The following RAP1A variants were observed in gnomAD, a reference collection of about 807,000 sequenced individuals.
RAP1A encodes the protein ras-related protein Rap-1A.
A neutral mutation model predicts 26.4 loss-of-function variants in RAP1A; 6 were observed. The ratio of observed to expected loss-of-function variants is 0.23; its 90% CI spans 0.12 to 0.45. RAP1A has a LOEUF of 0.45. Ranked by LOEUF, RAP1A falls within the 20% of genes least tolerant of loss-of-function variation. The pLI is 0.99. For missense variants in RAP1A, 121 were observed against 217.2 expected, an observed-to-expected ratio of 0.56 and a Z score of 2.78; for synonymous variants, 73 against 79.4, an observed-to-expected ratio of 0.92 and a Z score of 0.43.
At chr1:111,563,867 C>T in intron 1 of RAP1A, 4 of 1,613,362 alleles carry the variant, frequency 2.5e-6, no homozygotes, top group Non-Finnish European at 3.4e-6. Flanking sequence ...ACTCAAGCAG[C>T]CCAGTGTCCA....
chr1:111,635,943 C>G (rs1659718453), intron 1 of RAP1A, among the ~76,000 whole-genome samples: 1 of 152,114 alleles, frequency 6.6e-6, no homozygotes, highest in Non-Finnish European at 1.5e-5. Context: ...TGCCATGTAT[C>G]CCCTATTTTG....
chr1:111,701,192 C>A (rs1394020046), intron 4 of RAP1A, among the ~76,000 whole-genome samples: 1 of 152,156 alleles, frequency 6.6e-6, no homozygotes, highest in African/African-American at 2.4e-5. Context: ...CACTGCTATA[C>A]TCACCCACTA....
Position 111,697,423 on chromosome 1 carries a change from T to A in RAP1A, c.127-18T>A. 6.2e-7 allele frequency: 1 copy of A among 1,612,208 alleles called. No homozygotes were observed. Reference sequence around the variant, plus strand: ...TTGATGTTACTCTTTAACCTTTTTTTTTTTTTTGCCCCCACAGCAAGTTGA... The same window carrying A: ...TTGATGTTACTCTTTAACCTTTTTTATTTTTTTGCCCCCACAGCAAGTTGA... On this transcript the variant is annotated intron_variant, in intron 3 of 7. Coordinates refer to ENST00000369709, the MANE Select transcript of RAP1A (RefSeq NM_002884.4).
chr1:111,543,422 G>T (rs975631351), intron 1 of RAP1A, among the ~76,000 whole-genome samples: 16 of 152,058 alleles, frequency 1.1e-4, no homozygotes, highest in African/African-American at 3.6e-4. Context: ...CCGTCTATTC[G>T]CCACTCAGCA....
chr1:111,705,015 G>A (rs1222193856), intron 6 of RAP1A, among the ~76,000 whole-genome samples: 1 of 152,008 alleles, frequency 6.6e-6, no homozygotes. Context: ...TTTTGTGTGG[G>A]GCATGGGGGT....
chr1:111,695,427 T>G lies in RAP1A; in HGVS notation c.126+18T>G. ...ACAGAAAGGTAAAATGTGAAACTTG[T>G]ACACACATGCTTACAAGTAGTTCCT... On this transcript the variant is annotated intron_variant, in intron 3 of 7. Transcript: ENST00000369709. The G allele has an allele frequency of 6.7e-7, 1 of 1,502,910 alleles. No individual in the cohort carries two copies. Among genetic ancestry groups the G allele is most frequent in the Admixed American group, 2.4e-5 (1 of 41,986 alleles). 93.1% of individuals were successfully genotyped at this position (1,502,910 alleles called of 1,614,324 possible).
chr1:111,669,400 CT>C (rs1176376229), intron 1 of RAP1A, among the ~76,000 whole-genome samples: 2 of 152,140 alleles, frequency 1.3e-5, no homozygotes, highest in Non-Finnish European at 2.9e-5. Context: ...TAGATCATGC[CT>C]GTGAGAGGAA....
chr1:111,705,530 A>G (rs963122182), intron 6 of RAP1A, among the ~76,000 whole-genome samples: 1 of 152,238 alleles, frequency 6.6e-6, no homozygotes, highest in Non-Finnish European at 1.5e-5. Flanking sequence ...CAGATAATCA[A>G]GAATGCCAAA....
intron 1 of RAP1A, among the ~76,000 whole-genome samples, chr1:111,666,854 C>T (rs761333974): frequency 2.3e-4 from 35 of 152,214 alleles, no homozygotes; most frequent in Non-Finnish European, 4.4e-4. Context: ...ATAGCTTCTG[C>T]AAAAGCCCTG....
chr1:111,632,780 G>A (rs570043525), intron 1 of RAP1A, among the ~76,000 whole-genome samples: 56 of 152,064 alleles, frequency 3.7e-4, no homozygotes, highest in African/African-American at 1.3e-3. Context: ...AACTAGCTGG[G>A]CGCGGTGGCG....
At chr1:111,653,676 T>C (rs1660350665) in intron 1 of RAP1A, among the ~76,000 whole-genome samples, 1 of 101,944 alleles carries the variant, frequency 9.8e-6, no homozygotes, top group African/African-American at 4.2e-5. Flanking sequence ...AGAGCGAAAC[T>C]CTGTCTCAAA....
intron 1 of RAP1A, chr1:111,649,239 T>G (rs1660179420): frequency 2.1e-6 from 1 of 480,890 alleles, no homozygotes; most frequent in East Asian, 5.1e-5. Flanking sequence ...CTCCAGGTGC[T>G]CCTGGATTTT....
chr1:111,584,773 T>C (rs1254689297), intron 1 of RAP1A, among the ~76,000 whole-genome samples: 1 of 152,118 alleles, frequency 6.6e-6, no homozygotes, highest in African/African-American at 2.4e-5. Flanking sequence ...AATGCCATTA[T>C]TTAGGAAGAG....
intron 1 of RAP1A, among the ~76,000 whole-genome samples, chr1:111,624,024 A>T (rs1051366110): frequency 2.0e-5 from 3 of 152,232 alleles, no homozygotes; most frequent in African/African-American, 7.2e-5. Flanking sequence ...AAAATAACTA[A>T]TGTAAAGCAT....
rs1661838574 is a variant in RAP1A at position 111,696,661 on chromosome 1, C to T, written c.127-780C>T. Among the ~76,000 whole-genome samples the T allele has an allele frequency of 2.6e-5, 4 of 152,192 alleles. 1 individual carries two copies. The highest frequency in any genetic ancestry group is 2.6e-4 in the Admixed American group (4 of 15,274). On this transcript the variant is annotated intron_variant, in intron 3 of 7. Transcript: ENST00000369709. ...CCCCAAAGTAAGTTGCTAGTTAAAG[C>T]TTTAACTGCAAAGCAAGATCTGTAC...
intron 1 of RAP1A, among the ~76,000 whole-genome samples, chr1:111,557,243 A>G (rs1203732868): frequency 6.6e-6 from 1 of 152,166 alleles, no homozygotes; most frequent in East Asian, 1.9e-4. Context: ...CTAAAAATGT[A>G]TATATTTTAA....
At position 111,713,437 on chromosome 1, in the gene RAP1A, T is replaced by C. The variant is rs1002304986; in HGVS notation, c.*1036T>C. On this transcript the variant is annotated 3_prime_UTR_variant, in exon 8 of 8. Transcript: ENST00000369709. The stretch of plus-strand genomic sequence containing the variant: ...GTAAAAAGATAAGTTTAATACTGTA[T>C]CAGGGTTTAACTTTTACTATTTCAG... The C allele has an allele frequency of 1.3e-5, 2 of 152,218 alleles. No homozygotes were observed. The highest frequency in any genetic ancestry group is 2.9e-5 in the Non-Finnish European group (2 of 68,016). 9.4% of individuals were successfully genotyped at this position (152,218 alleles called of 1,614,324 possible).
At chr1:111,606,771 G>A (rs890533578) in intron 1 of RAP1A, among the ~76,000 whole-genome samples, 1 of 152,214 alleles carries the variant, frequency 6.6e-6, no homozygotes, top group Non-Finnish European at 1.5e-5. Context: ...ACAGGCTGCC[G>A]ATAGTTTTAT....
chr1:111,650,068 G>A (rs1660214081), intron 1 of RAP1A, among the ~76,000 whole-genome samples: 1 of 135,394 alleles, frequency 7.4e-6, no homozygotes, highest in South Asian at 2.6e-4. Context: ...ATATATATAA[G>A]TAATATTTGT....
Sources: gnomAD v4.1 joint callset for allele counts (sites outside exome capture counted in the v4.1 genomes callset) on GRCh38, gnomAD v4.1.1 for gene constraint, MANE v1.5 for transcripts, NCBI Gene and HGNC (gene_info 2026-07-23, HGNC 2026-07-21) for gene names.